Variants in CACNA1C observed in about 807,000 individuals in gnomAD.
CACNA1C encodes the protein calcium voltage-gated channel subunit alpha1 C, also known as voltage-dependent L-type calcium channel subunit alpha-1C.
CACNA1C carries 30 observed loss-of-function variants against 229.0 expected under a neutral mutation model. The observed-to-expected ratio is 0.13, with a 90% CI of 0.10 to 0.18. The LOEUF (loss-of-function observed/expected upper bound fraction) is 0.18, where lower values mean the gene tolerates loss of function less well. Among genes scored for constraint, CACNA1C ranks in the 10% least tolerant of loss-of-function variants. The pLI is 1.00. For synonymous variants in CACNA1C, 1,114 were observed against 1,132.5 expected (o/e 0.98, Z 0.33); for missense variants, 1,658 against 2,845.0 (o/e 0.58, Z 9.49).
At chr12:2,565,662 T>A (rs2050446030) in intron 11 of CACNA1C, among the ~76,000 whole-genome samples, 1 of 152,162 alleles carries the variant, frequency 6.6e-6, no homozygotes, top group Non-Finnish European at 1.5e-5. Flanking sequence ...GGAGCATGGA[T>A]GAGCTTTGAG....
intron 3 of CACNA1C, among the ~76,000 whole-genome samples, chr12:2,208,842 C>T (rs567576219): frequency 3.2e-4 from 48 of 152,242 alleles, no homozygotes; most frequent in African/African-American, 9.6e-4. Context: ...TTCCACCTGG[C>T]GTAACCTAAG....
intron 1 of CACNA1C, among the ~76,000 whole-genome samples, chr12:2,114,641 A>G (rs112198736): frequency 0.013 from 1,953 of 152,184 alleles, 51 homozygotes; most frequent in African/African-American, 0.044. Context: ...AGCCCTTCTC[A>G]TTTTATTATA....
intron 3 of CACNA1C, among the ~76,000 whole-genome samples, chr12:2,409,696 G>T (rs967447205): frequency 1.3e-5 from 2 of 152,162 alleles, no homozygotes; most frequent in African/African-American, 2.4e-5. Context: ...CCACTTCCTC[G>T]CAGTCCCCCC....
In CACNA1C at chr12:2,285,269, C is replaced by G. The variant is rs751803293; in HGVS notation, c.478-163707C>G. Among the ~76,000 whole-genome samples, 1 of 152,220 alleles carries G rather than the reference C, an allele frequency of 6.6e-6. No individual in the cohort carries two copies. The highest frequency in any genetic ancestry group is 1.5e-5 in the Non-Finnish European group (1 of 68,040). On this transcript the variant is annotated intron_variant, in intron 3 of 46. Transcript: ENST00000399655. This position sits in a 1 kb window ranked among gnomAD's most constrained non-coding sequence, Gnocchi z 4.2. ...ACCCTTTACACTGGGCATTCAATGT[C>G]ATCACATTGATAACTTGAAATGGGC...
intron 3 of CACNA1C, among the ~76,000 whole-genome samples, chr12:2,199,874 C>G (rs1471186897): frequency 6.6e-6 from 1 of 152,146 alleles, no homozygotes; most frequent in African/African-American, 2.4e-5. Context: ...GAGTGAGGCC[C>G]TGGCTCAAAA....
intron 3 of CACNA1C, among the ~76,000 whole-genome samples, chr12:2,283,756 G>A (rs931154673): frequency 7.9e-5 from 12 of 152,202 alleles, no homozygotes; most frequent in Non-Finnish European, 1.2e-4. Flanking sequence ...GGATGCTGCC[G>A]TCTGGTCCGA....
Position 2,581,817 on chromosome 12 carries a change from G to A in CACNA1C, c.2103+20G>A, listed in dbSNP as rs543434844. The A allele has an allele frequency of 8.7e-6, 13 of 1,499,730 alleles. No homozygotes were observed. In the African/African-American group the frequency reaches 9.7e-5, roughly 11 times the overall value. 92.9% of individuals were successfully genotyped at this position (1,499,730 alleles called of 1,614,324 possible). A position where few individuals can be genotyped will look rare whatever the true frequency, so the allele number is the denominator to read the frequency against. Reference sequence around the variant, plus strand: ...TTTCAGGTATGGACTCTTCTCTGCTGGGATTCGGACTCGGGGTGGTTGAGT... The same window carrying A: ...TTTCAGGTATGGACTCTTCTCTGCTAGGATTCGGACTCGGGGTGGTTGAGT... On this transcript the variant is annotated intron_variant, in intron 14 of 46. Coordinates refer to ENST00000399655, the MANE Select transcript of CACNA1C (RefSeq NM_000719.7).
chr12:2,105,323 TG>T (rs2077801151), intron 1 of CACNA1C, among the ~76,000 whole-genome samples: 1 of 152,084 alleles, frequency 6.6e-6, no homozygotes, highest in Non-Finnish European at 1.5e-5. Context: ...ACTCGTCAGT[TG>T]GGTTGGGGAG....
chr12:2,153,678 G>A (rs1022458304), intron 3 of CACNA1C, among the ~76,000 whole-genome samples: 30 of 152,122 alleles, frequency 2.0e-4, no homozygotes, highest in Non-Finnish European at 3.4e-4. Flanking sequence ...TGAGGCCTCC[G>A]CCCTGCAGTT....
At chr12:2,624,227 C>T (rs894789192) in intron 29 of CACNA1C, among the ~76,000 whole-genome samples, 6 of 152,218 alleles carry the variant, frequency 3.9e-5, no homozygotes, top group Non-Finnish European at 8.8e-5. Flanking sequence ...TAGGGCGTCA[C>T]CATGATTCGG....
chr12:2,534,346 G>C (rs2099848161), intron 9 of CACNA1C, among the ~76,000 whole-genome samples: 1 of 152,192 alleles, frequency 6.6e-6, no homozygotes, highest in African/African-American at 2.4e-5. Context: ...AGGGCCCTGG[G>C]AGCCAGGACA....
At chr12:2,173,074 G>C (rs1343976069) in intron 3 of CACNA1C, among the ~76,000 whole-genome samples, 2 of 152,218 alleles carry the variant, frequency 1.3e-5, no homozygotes, top group East Asian at 3.8e-4. Flanking sequence ...GTCCGGCGGT[G>C]TCTCTTACTT....
intron 3 of CACNA1C, among the ~76,000 whole-genome samples, chr12:2,165,556 C>A (rs1206218250): frequency 1.3e-5 from 2 of 151,880 alleles, no homozygotes; most frequent in Non-Finnish European, 2.9e-5. Context: ...ACCTTGGATA[C>A]CTCAATCTTA....
intron 34 of CACNA1C, among the ~76,000 whole-genome samples, chr12:2,663,735 CTTTTTTTTT>C (rs55933898): frequency 4.8e-4 from 50 of 103,884 alleles, no homozygotes; most frequent in Non-Finnish European, 7.1e-4. Flanking sequence ...AATAGAGTAT[CTTTTTTTTT>C]TTTTTTTTTT....
rs762466593 is a variant in CACNA1C, at chr12:2,240,420, T to G, written c.477+119990T>G. On this transcript the variant is annotated intron_variant, in intron 3 of 46. Transcript: ENST00000399655. ...GGATTGCATTTTAGCAATCTTCTGT[T>G]GGGGTCTGTGATGTGTGAAGACACA... Among the ~76,000 whole-genome samples, 28 of 152,184 alleles carry G rather than the reference T, an allele frequency of 1.8e-4. 1 individual carries two copies. Among genetic ancestry groups the G allele is most frequent in the Non-Finnish European group, 3.5e-4 (24 of 68,036 alleles).
intron 3 of CACNA1C, among the ~76,000 whole-genome samples, chr12:2,254,517 C>T (rs2076666559): frequency 6.6e-6 from 1 of 152,168 alleles, no homozygotes; most frequent in Admixed American, 6.5e-5. Flanking sequence ...GTGTCCTGTG[C>T]ACCTTTTGTA....
chr12:2,512,961 T>C lies in CACNA1C; in HGVS notation c.1367T>C (p.Met456Thr), dbSNP rs2099788010. Residue 456 changes from methionine to threonine, a missense_variant, in exon 9 of 47, where the codon ATG (methionine) becomes ACG (threonine). By Grantham distance (81) the Met-to-Thr change is moderately conservative. Around this residue, in one of 20 missense-constraint regions of CACNA1C, gnomAD observed 149 missense variants for 194.2 expected, o/e 0.77. Coordinates refer to ENST00000399655, the MANE Select transcript of CACNA1C (RefSeq NM_000719.7). This position sits in a 1 kb window ranked among gnomAD's most constrained non-coding sequence, Gnocchi z 4.3. Reference sequence around the variant, plus strand: ...GATCCTGAGAATGAGGACGAAGGCATGGATGAGGAGAAGCCCCGAAACAGT... The same window carrying C: ...GATCCTGAGAATGAGGACGAAGGCACGGATGAGGAGAAGCCCCGAAACAGT... ...DIDPENEDEG[M>T]DEEKPRNMSM... The C allele has an allele frequency of 1.2e-6, 2 of 1,607,370 alleles. No individual in the cohort carries two copies. The highest frequency in any genetic ancestry group is 1.1e-5 in the South Asian group (1 of 89,382).
chr12:2,259,693 G>A (rs141190701), intron 3 of CACNA1C, among the ~76,000 whole-genome samples: 2 of 152,314 alleles, frequency 1.3e-5, no homozygotes, highest in Non-Finnish European at 2.9e-5. Context: ...GGAGCTATAC[G>A]TTTTGTTTTG....
chr12:2,262,726 A>G (rs1035329961), intron 3 of CACNA1C, among the ~76,000 whole-genome samples: 37 of 152,272 alleles, frequency 2.4e-4, no homozygotes, highest in Middle Eastern at 3.4e-3. Flanking sequence ...GAATGCTAAG[A>G]ATCAGAAAGT....
Sources: allele counts gnomAD v4.1 joint callset (sites outside exome capture counted in the v4.1 genomes callset), GRCh38; gene constraint gnomAD v4.1.1; regional missense constraint gnomAD v4.1.1; non-coding constraint Gnocchi (gnomAD v3.1); transcripts MANE v1.5; gene names NCBI Gene and HGNC (gene_info 2026-07-23, HGNC 2026-07-21).